The following PLD1 variants were observed in gnomAD, a reference collection of about 807,000 sequenced individuals.
PLD1 encodes the protein choline phosphatase 1.
In PLD1, 112 loss-of-function variants were observed where a neutral mutation model predicts 137.1. That is an observed-to-expected ratio of 0.82 (90% CI 0.70 to 0.96). The LOEUF (loss-of-function observed/expected upper bound fraction) is 0.96. Ranked by LOEUF, PLD1 falls within the 40% of genes least tolerant of loss-of-function variation. The pLI, the probability that PLD1 is intolerant of heterozygous loss-of-function variation, is 0.00. For missense variants in PLD1, 1,321 were observed against 1,342.0 expected, an observed-to-expected ratio of 0.98 and a Z score of 0.24; for synonymous variants, 431 against 454.7, an observed-to-expected ratio of 0.95 and a Z score of 0.66.
chr3:171,789,014 C>G (rs905522932), intron 1 of PLD1: 4 of 152,288 alleles, frequency 2.6e-5, no homozygotes, highest in Non-Finnish European at 2.9e-5. Flanking sequence ...CCTCAAAAAG[C>G]TGGCAAACTC....
At position 171,726,095 on chromosome 3, in the gene PLD1, T is replaced by C. The variant is rs2108242592; in HGVS notation, c.607-19A>G. On this transcript the variant is annotated intron_variant, in intron 6 of 26. Coordinates refer to ENST00000351298, the MANE Select transcript of PLD1 (RefSeq NM_002662.5). ...ACTCTGTCTGAAAAGAAGCAAAAAA[T>C]CCATCTTTAGCAAGCAAAACAATTC... 1 of 1,584,318 alleles carries C rather than the reference T, an allele frequency of 6.3e-7. No individual in the cohort carries two copies.
At chr3:171,780,875 T>C (rs554415488) in intron 1 of PLD1, among the ~76,000 whole-genome samples, 44 of 152,332 alleles carry the variant, frequency 2.9e-4, no homozygotes, top group African/African-American at 1.0e-3. Context: ...ATTGTTAAAT[T>C]TTCTGTTCTC....
At chr3:171,735,860 C>T (rs533261886) in intron 3 of PLD1, among the ~76,000 whole-genome samples, 6 of 152,286 alleles carry the variant, frequency 3.9e-5, no homozygotes, top group South Asian at 4.1e-4. Flanking sequence ...TTCAATCACA[C>T]GAGACGATTC....
At chr3:171,715,220 T>C (rs888181420) in intron 8 of PLD1, among the ~76,000 whole-genome samples, 1 of 152,162 alleles carries the variant, frequency 6.6e-6, no homozygotes, top group Non-Finnish European at 1.5e-5. Flanking sequence ...GTGTGCACTT[T>C]CCCCAAAGAA....
rs59943551 is a variant in PLD1 at position 171,706,124 on chromosome 3, GTCTA to G, written c.1145+2627_1145+2630del. On this transcript the variant is annotated intron_variant, in intron 11 of 26. Coordinates refer to ENST00000351298, the MANE Select transcript of PLD1 (RefSeq NM_002662.5). ...ACCCAAACCAACACCGGGTCAGTCA[GTCTA>G]TCTATCTATCTATCTATCTATCTAT... Among the ~76,000 whole-genome samples the G allele has an allele frequency of 8.0e-3, 1,181 of 146,864 alleles. 12 individuals are homozygous for G. The highest frequency in any genetic ancestry group is 0.057 in the East Asian group (278 of 4,890).
At chr3:171,729,642 A>G (rs1718787020) in intron 6 of PLD1, among the ~76,000 whole-genome samples, 1 of 152,248 alleles carries the variant, frequency 6.6e-6, no homozygotes. Flanking sequence ...GGCAGGGAAC[A>G]AAGAGGACAT....
At chr3:171,659,565 G>A (rs1737501054) in intron 20 of PLD1, among the ~76,000 whole-genome samples, 1 of 152,142 alleles carries the variant, frequency 6.6e-6, no homozygotes, top group Admixed American at 6.5e-5. Flanking sequence ...TTCCTTATAG[G>A]TGATTTTCTA....
chr3:171,711,509 T>C (rs1717227769), intron 9 of PLD1, among the ~76,000 whole-genome samples: 1 of 152,034 alleles, frequency 6.6e-6, no homozygotes, highest in Admixed American at 6.5e-5. Flanking sequence ...ATTAAACATA[T>C]TGATACCAGA....
At chr3:171,632,451 A>G (rs1482012406) in intron 23 of PLD1, among the ~76,000 whole-genome samples, 1 of 152,204 alleles carries the variant, frequency 6.6e-6, no homozygotes, top group Admixed American at 6.5e-5. Flanking sequence ...ACTGGATAAT[A>G]GTATTATATC....
chr3:171,620,749 T>A (rs1174234160), intron 23 of PLD1, among the ~76,000 whole-genome samples: 1 of 118,196 alleles, frequency 8.5e-6, no homozygotes, highest in African/African-American at 4.0e-5. Context: ...TCTCTATATA[T>A]ATATATATAT....
intron 1 of PLD1, among the ~76,000 whole-genome samples, chr3:171,738,910 T>C (rs1234030957): frequency 1.3e-5 from 2 of 152,250 alleles, no homozygotes; most frequent in Non-Finnish European, 2.9e-5. Context: ...ATGAAACATC[T>C]GTTTTGCCTG....
intron 1 of PLD1, among the ~76,000 whole-genome samples, chr3:171,764,896 GAAGGAAGGAAGGAAGGAA>G (rs1721781266): frequency 3.2e-5 from 1 of 31,356 alleles, no homozygotes; most frequent in Non-Finnish European, 6.4e-5. Context: ...AGAAAGAAAG[GAAGGAAGGAAGGAAGGAA>G]AGAAAGAAAG....
At chr3:171,746,698 C>T (rs1720215577) in intron 1 of PLD1, among the ~76,000 whole-genome samples, 1 of 152,176 alleles carries the variant, frequency 6.6e-6, no homozygotes, top group Non-Finnish European at 1.5e-5. Context: ...CTGTGTCTAG[C>T]TCAAGGTTTG....
chr3:171,795,593 C>A (rs895009650), intron 1 of PLD1, among the ~76,000 whole-genome samples: 1 of 152,190 alleles, frequency 6.6e-6, no homozygotes, highest in Non-Finnish European at 1.5e-5. Flanking sequence ...TGGGTCCAGG[C>A]TCCTTATCTT....
At chr3:171,615,596 T>C (rs534218453) in intron 24 of PLD1, among the ~76,000 whole-genome samples, 13 of 152,340 alleles carry the variant, frequency 8.5e-5, no homozygotes, top group African/African-American at 3.1e-4. Flanking sequence ...AAAAAGAGTT[T>C]ACTTCTGACT....
chr3:171,622,203 A>G (rs1236302891), intron 23 of PLD1, among the ~76,000 whole-genome samples: 1 of 152,222 alleles, frequency 6.6e-6, no homozygotes. Flanking sequence ...AGTAATTTCC[A>G]TTAAAATTCA....
intron 25 of PLD1, among the ~76,000 whole-genome samples, chr3:171,607,709 C>T (rs891271543): frequency 1.3e-5 from 2 of 152,046 alleles, no homozygotes; most frequent in Non-Finnish European, 2.9e-5. Context: ...CTGTTCTTTC[C>T]GTTCCTCATA....
intron 1 of PLD1, among the ~76,000 whole-genome samples, chr3:171,764,835 GAAAGAAAGA>G (rs1721711501): frequency 1.2e-4 from 1 of 8,312 alleles, no homozygotes; most frequent in Non-Finnish European, 2.8e-4. Flanking sequence ...GAGAAAGAAA[GAAAGAAAGA>G]AAGAAAGAAA....
chr3:171,619,225 C>T (rs1257247295), intron 24 of PLD1, among the ~76,000 whole-genome samples: 1 of 152,130 alleles, frequency 6.6e-6, no homozygotes, highest in Non-Finnish European at 1.5e-5. Context: ...ACTCTATCAT[C>T]CTGGACTTCC....
Sources: allele counts gnomAD v4.1 joint callset (sites outside exome capture counted in the v4.1 genomes callset), GRCh38; gene constraint gnomAD v4.1.1; transcripts MANE v1.5; gene names NCBI Gene and HGNC (gene_info 2026-07-23, HGNC 2026-07-21).